The following MAX variants were observed in gnomAD, a reference collection of about 807,000 sequenced individuals.
MAX encodes MYC associated transcriptional regulator X.
MAX carries 3 observed loss-of-function variants against 22.3 expected under a neutral mutation model. The observed-to-expected ratio is 0.13, with a 90% CI of 0.06 to 0.35. The LOEUF (loss-of-function observed/expected upper bound fraction) is 0.35, where lower values mean the gene tolerates loss of function less well. MAX is among the 10% of genes least tolerant of loss of function. The pLI, the probability that MAX is intolerant of heterozygous loss-of-function variation, is 1.00. For synonymous variants in MAX, 72 were observed against 77.7 expected, an observed-to-expected ratio of 0.93 and a Z score of 0.39; for missense variants, 119 against 209.4, an observed-to-expected ratio of 0.57 and a Z score of 2.66.
chr14:65,053,598 T>C (rs1176791024), intron 3 of MAX, among the ~76,000 whole-genome samples: 1 of 143,982 alleles, frequency 6.9e-6, no homozygotes, highest in Non-Finnish European at 1.5e-5. Flanking sequence ...GGGAAACAGA[T>C]TGCTGGGTAG....
At chr14:65,102,278 G>C (rs747494018) in intron 1 of MAX, 26 bp downstream of exon 1, 1 of 1,613,444 alleles carries the variant, frequency 6.2e-7, no homozygotes, top group East Asian at 2.2e-5. Flanking sequence ...CAACCCGCAC[G>C]GGAAGGAAGA....
At position 65,075,446 on chromosome 14, in the gene MAX, C is replaced by G. The variant is rs1020058503; in HGVS notation, c.*1030G>C. 1 of 1,063,738 alleles carries G rather than the reference C, an allele frequency of 9.4e-7. No individual in the cohort carries two copies. Among genetic ancestry groups the G allele is most frequent in the African/African-American group, 1.6e-5 (1 of 60,934 alleles). 65.9% of individuals were successfully genotyped at this position (1,063,738 alleles called of 1,614,324 possible). ...AGTGGGATGAGGGCTGGGAAGGGTC[C>G]GCACTGGGGTGCGGGTTTAGTACCA... On this transcript the variant is annotated 3_prime_UTR_variant, in exon 5 of 5. Transcript: ENST00000358664. This position sits in a 1 kb window ranked among gnomAD's most constrained non-coding sequence, Gnocchi z 4.1.
intron 3 of MAX, among the ~76,000 whole-genome samples, chr14:65,092,435 A>C (rs1390037804): frequency 6.6e-6 from 1 of 152,196 alleles, no homozygotes. Context: ...GAAGCCTAAG[A>C]GATAATCTTT....
Position 65,069,921 on chromosome 14 carries a change from T to C in MAX, c.171+23787A>G, listed in dbSNP as rs1432070334. ...TGGACATGACATTCCTCCTCTTAGCTGGCTGGTCTTGTTGTGGCCTTTTGG... is the reference window on the plus strand; with the variant it reads ...TGGACATGACATTCCTCCTCTTAGCCGGCTGGTCTTGTTGTGGCCTTTTGG... On this transcript the variant is annotated intron_variant, in intron 3 of 3. Coordinates refer to the MAX transcript ENST00000341653. The surrounding 1 kb of genome is among the most constrained non-coding windows in gnomAD (Gnocchi z 4.6). 1.3e-5 allele frequency among the ~76,000 whole-genome samples: 2 copies of C among 152,274 alleles called. No individual in the cohort carries two copies. The highest frequency in any genetic ancestry group is 2.4e-5 in the African/African-American group (1 of 41,474).
At chr14:65,021,878 T>C in intron 3 of MAX, 1 of 454,470 alleles carries the variant, frequency 2.2e-6, no homozygotes, top group Non-Finnish European at 4.4e-6. Flanking sequence ...ACTCCTGGCC[T>C]TAAGTGATCC....
chr14:65,033,210 CTA>C (rs1200089069), intron 3 of MAX, among the ~76,000 whole-genome samples: 1 of 152,024 alleles, frequency 6.6e-6, no homozygotes, highest in Non-Finnish European at 1.5e-5. Flanking sequence ...GGAAAAATCT[CTA>C]TGTTGAGTTG....
At chr14:65,020,621 A>T (rs2061868487) in intron 3 of MAX, among the ~76,000 whole-genome samples, 2 of 151,276 alleles carry the variant, frequency 1.3e-5, no homozygotes, top group South Asian at 4.2e-4. Flanking sequence ...TTTAGTAGAG[A>T]TTGGGTTTTA....
intron 3 of MAX, chr14:65,061,581 A>T: frequency 5.3e-6 from 2 of 375,224 alleles, no homozygotes; most frequent in South Asian, 3.5e-5. Context: ...AGGAGGAAGC[A>T]GTCCCTCCTC....
chr14:65,016,763 C>T (rs1030979295), intron 3 of MAX, among the ~76,000 whole-genome samples: 1 of 152,204 alleles, frequency 6.6e-6, no homozygotes, highest in South Asian at 2.1e-4. Flanking sequence ...GGCCATTAAC[C>T]CTTGTGGTAC....
chr14:65,026,966 A>ATAGAGGCC (rs1011091643), intron 3 of MAX, among the ~76,000 whole-genome samples: 18 of 152,230 alleles, frequency 1.2e-4, no homozygotes, highest in Admixed American at 1.2e-3. Flanking sequence ...CTCTATTTAC[A>ATAGAGGCC]TGTTCATGAT....
At chr14:65,059,262 A>G (rs1003603191) in intron 3 of MAX, among the ~76,000 whole-genome samples, 1 of 151,688 alleles carries the variant, frequency 6.6e-6, no homozygotes, top group Non-Finnish European at 1.5e-5. Context: ...GCCTCAAGCT[A>G]TCCTACCTCA....
chr14:65,010,363 T>C (rs2061664118), intron 3 of MAX, among the ~76,000 whole-genome samples: 1 of 152,254 alleles, frequency 6.6e-6, no homozygotes, highest in South Asian at 2.1e-4. Flanking sequence ...CTTCGTAGTC[T>C]GTGTGTGTAA....
chr14:65,046,256 G>A (rs1281139225), intron 3 of MAX, among the ~76,000 whole-genome samples: 7 of 152,192 alleles, frequency 4.6e-5, no homozygotes, highest in African/African-American at 9.7e-5. Flanking sequence ...GATTACAGGC[G>A]TGAGCCACCG....
downstream of MAX, chr14:65,006,115 A>C (rs1464208643): frequency 1.8e-5 from 28 of 1,594,824 alleles, no homozygotes; most frequent in Middle Eastern, 1.7e-4. Flanking sequence ...TGCTTACTGG[A>C]ACATTATAAA....
intron 3 of MAX, among the ~76,000 whole-genome samples, chr14:65,086,825 C>G (rs1419205114): frequency 6.6e-6 from 1 of 152,164 alleles, no homozygotes; most frequent in Non-Finnish European, 1.5e-5. Context: ...AATGTTAATC[C>G]CCAAGACAAT....
intron 3 of MAX, among the ~76,000 whole-genome samples, chr14:65,086,979 C>A (rs1331465992): frequency 1.4e-4 from 21 of 152,200 alleles, no homozygotes; most frequent in Admixed American, 1.4e-3. Context: ...TGGTGCCCTG[C>A]ATCCCGGCCA....
chr14:65,098,367 A>G lies in MAX; in HGVS notation c.63+3179T>C, dbSNP rs192318411. ...TCTGAATATTCCTAAAGAAGCAAAG[A>G]GCTCTGAGAAGTTAAAAATATTTCA... On this transcript the variant is annotated intron_variant, in intron 2 of 4. Transcript: ENST00000358664. Among the ~76,000 whole-genome samples, 338 of 152,314 alleles carry G rather than the reference A, an allele frequency of 2.2e-3. 2 individuals carry two copies. The highest frequency in any genetic ancestry group is 2.6e-3 in the Non-Finnish European group (179 of 68,028).
chr14:65,057,862 T>C (rs907723435), intron 3 of MAX, among the ~76,000 whole-genome samples: 2 of 152,168 alleles, frequency 1.3e-5, no homozygotes, highest in Admixed American at 6.5e-5. Flanking sequence ...CAAGTTTCCA[T>C]ACATGAAGGG....
intron 3 of MAX, among the ~76,000 whole-genome samples, chr14:65,025,333 G>A (rs1387420875): frequency 6.6e-6 from 1 of 152,178 alleles, no homozygotes; most frequent in Non-Finnish European, 1.5e-5. Flanking sequence ...TTTAAAAAAT[G>A]TGCTGTTAAG....
Sources: allele counts gnomAD v4.1 joint callset (sites outside exome capture counted in the v4.1 genomes callset), GRCh38; gene constraint gnomAD v4.1.1; non-coding constraint Gnocchi (gnomAD v3.1); transcripts MANE v1.5; gene names NCBI Gene and HGNC (gene_info 2026-07-23, HGNC 2026-07-21).